Variants in FANCC observed in about 807,000 individuals in gnomAD.
FANCC encodes FA complementation group C, also known as Fanconi anemia group C protein.
A neutral mutation model predicts 71.3 loss-of-function variants in FANCC; 55 were observed. The ratio of observed to expected loss-of-function variants is 0.77; its 90% CI spans 0.62 to 0.97. FANCC has a LOEUF of 0.97. FANCC is among the 50% of genes least tolerant of loss of function. The pLI, the probability that FANCC is intolerant of heterozygous loss-of-function variation, is 0.00. For missense variants in FANCC, 678 were observed against 670.9 expected, an observed-to-expected ratio of 1.01 and a Z score of -0.12; for synonymous variants, 275 against 244.9, an observed-to-expected ratio of 1.12 and a Z score of -1.15.
intron 7 of FANCC, among the ~76,000 whole-genome samples, chr9:95,138,921 C>G (rs1486755113): frequency 6.6e-6 from 1 of 152,200 alleles, no homozygotes. Context: ...AGCCTTGATT[C>G]AGAGCACACC....
At chr9:95,191,425 T>A (rs1255379617) in intron 4 of FANCC, among the ~76,000 whole-genome samples, 2 of 140,500 alleles carry the variant, frequency 1.4e-5, no homozygotes, top group African/African-American at 2.7e-5. Flanking sequence ...CAAGACTTCC[T>A]CAGCTCAAGC....
intron 1 of FANCC, among the ~76,000 whole-genome samples, chr9:95,251,746 T>C (rs1396047076): frequency 1.3e-5 from 2 of 152,250 alleles, no homozygotes; most frequent in Non-Finnish European, 2.9e-5. Flanking sequence ...TGCATACATT[T>C]ACACTATGCT....
At chr9:95,148,741 T>C (rs1406732727) in intron 7 of FANCC, among the ~76,000 whole-genome samples, 1 of 152,224 alleles carries the variant, frequency 6.6e-6, no homozygotes, top group Non-Finnish European at 1.5e-5. Flanking sequence ...AAAAGATCCA[T>C]TGAAAGTGCA....
intron 11 of FANCC, among the ~76,000 whole-genome samples, chr9:95,115,275 G>A (rs1227495316): frequency 1.3e-5 from 2 of 152,214 alleles, no homozygotes; most frequent in African/African-American, 2.4e-5. Flanking sequence ...CATGGAAGTA[G>A]CTAGAGATTG....
intron 9 of FANCC, among the ~76,000 whole-genome samples, 191 bp downstream of exon 9, chr9:95,126,338 C>T (rs1825972429): frequency 6.6e-6 from 1 of 152,178 alleles, no homozygotes; most frequent in Non-Finnish European, 1.5e-5. Context: ...TTCTTAGGCA[C>T]TGGCCTTTAA....
intron 4 of FANCC, among the ~76,000 whole-genome samples, chr9:95,176,403 C>T (rs1167654751): frequency 6.6e-6 from 1 of 152,224 alleles, no homozygotes; most frequent in Non-Finnish European, 1.5e-5. Context: ...CCAGGCTTGA[C>T]TTCTCCTTAC....
At chr9:95,240,839 T>G (rs1830590128) in intron 3 of FANCC, 96 bp from the exon 4 acceptor site, 3 of 751,548 alleles carry the variant, frequency 4.0e-6, no homozygotes, top group Non-Finnish European at 7.0e-6. Flanking sequence ...CTCAAACTAC[T>G]AAGTTCACAG....
intron 4 of FANCC, among the ~76,000 whole-genome samples, chr9:95,220,040 A>G (rs1829136094): frequency 6.6e-6 from 1 of 152,240 alleles, no homozygotes; most frequent in African/African-American, 2.4e-5. Context: ...AAACAACCCC[A>G]TCAAAAAGTG....
rs150466994 is a variant in FANCC at position 95,199,955 on chromosome 9, T to C, written c.346-27808A>G. On this transcript the variant is annotated intron_variant, in intron 4 of 14. Transcript: ENST00000289081. ...CTTATCTTATTTTTAGGATGATTTA[T>C]ACAAGTTAGTAGCTATCTGCTCCAT... 3.2e-3 allele frequency among the ~76,000 whole-genome samples: 493 copies of C among 152,350 alleles called. 4 individuals are homozygous for C. The highest frequency in any genetic ancestry group is 3.9e-3 in the Non-Finnish European group (267 of 68,042).
chr9:95,181,172 T>TGC (rs59875109), intron 4 of FANCC, among the ~76,000 whole-genome samples: 1,699 of 149,260 alleles, frequency 0.011, 33 homozygotes, highest in African/African-American at 0.04. Context: ...TGTGTGTGTG[T>TGC]GTGTGTGTGT....
chr9:95,162,095 G>A (rs1285676898), intron 6 of FANCC, among the ~76,000 whole-genome samples: 5 of 152,144 alleles, frequency 3.3e-5, no homozygotes, highest in African/African-American at 1.2e-4. Context: ...GCCTGCCTTG[G>A]CCTCCCAATG....
intron 1 of FANCC, among the ~76,000 whole-genome samples, chr9:95,281,244 T>C (rs1478376663): frequency 6.6e-6 from 1 of 151,900 alleles, no homozygotes; most frequent in Non-Finnish European, 1.5e-5. Flanking sequence ...CCACAACATA[T>C]TATAATCAAA....
At chr9:95,301,132 A>C (rs1834699512) in intron 1 of FANCC, among the ~76,000 whole-genome samples, 1 of 151,952 alleles carries the variant, frequency 6.6e-6, no homozygotes, top group South Asian at 2.1e-4. Context: ...TAAAGGCTAA[A>C]ATGATGAAAA....
chr9:95,308,190 C>T (rs1254726370), intron 1 of FANCC, among the ~76,000 whole-genome samples: 2 of 152,130 alleles, frequency 1.3e-5, no homozygotes, highest in African/African-American at 2.4e-5. Flanking sequence ...CATTTTGCCT[C>T]AAAAACATAC....
chr9:95,218,455 C>A (rs1028090382), intron 4 of FANCC, among the ~76,000 whole-genome samples: 1 of 152,018 alleles, frequency 6.6e-6, no homozygotes, highest in African/African-American at 2.4e-5. Flanking sequence ...CAGAAGGAGA[C>A]CCTGTCTCAA....
At chr9:95,191,865 G>A (rs959848722) in intron 4 of FANCC, among the ~76,000 whole-genome samples, 1 of 151,952 alleles carries the variant, frequency 6.6e-6, no homozygotes, top group African/African-American at 2.4e-5. Context: ...CTTTCACCGT[G>A]ATCCCAGCCA....
At chr9:95,255,146 G>A (rs1024053567) in intron 1 of FANCC, among the ~76,000 whole-genome samples, 40 of 152,058 alleles carry the variant, frequency 2.6e-4, no homozygotes, top group African/African-American at 7.0e-4. Flanking sequence ...AGAATTAAAC[G>A]TTCCCGCCTG....
At chr9:95,205,716 G>T (rs1828081403) in intron 4 of FANCC, among the ~76,000 whole-genome samples, 1 of 151,970 alleles carries the variant, frequency 6.6e-6, no homozygotes, top group Non-Finnish European at 1.5e-5. Context: ...AAAAACTAGT[G>T]ACTTGCTTCT....
chr9:95,212,135 G>A (rs1001418279), intron 4 of FANCC, among the ~76,000 whole-genome samples: 2 of 152,088 alleles, frequency 1.3e-5, no homozygotes, highest in Admixed American at 6.5e-5. Context: ...AAAATCTCAC[G>A]TAGGTTAACA....
Sources: gnomAD v4.1 joint callset for allele counts (sites outside exome capture counted in the v4.1 genomes callset) on GRCh38, gnomAD v4.1.1 for gene constraint, MANE v1.5 for transcripts, NCBI Gene and HGNC (gene_info 2026-07-23, HGNC 2026-07-21) for gene names.